Variants in TMEM132C observed in about 807,000 individuals in gnomAD.
TMEM132C encodes the protein protein phosphatase 1, regulatory subunit 152.
Under a neutral mutation model 61.4 loss-of-function variants are expected in TMEM132C, and 29 were observed. The ratio of observed to expected loss-of-function variants is 0.47; its 90% CI spans 0.35 to 0.64. The LOEUF (loss-of-function observed/expected upper bound fraction) is 0.64. Among genes scored for constraint, TMEM132C ranks in the 30% least tolerant of loss-of-function variants. TMEM132C has a pLI of 0.00. For synonymous variants in TMEM132C, 656 were observed against 633.1 expected (o/e 1.04, Z -0.54); for missense variants, 1,408 against 1,476.9 (o/e 0.95, Z 0.76).
chr12:128,402,283 G>A (rs1433996329), intron 1 of TMEM132C, among the ~76,000 whole-genome samples: 1 of 152,144 alleles, frequency 6.6e-6, no homozygotes, highest in South Asian at 2.1e-4. Flanking sequence ...GGATGTGCAG[G>A]TTTGTTACAT....
chr12:128,575,640 T>C (rs1875063986), intron 3 of TMEM132C, among the ~76,000 whole-genome samples: 1 of 152,252 alleles, frequency 6.6e-6, no homozygotes, highest in African/African-American at 2.4e-5. Context: ...AGCTGACTTT[T>C]ATACATGGGT....
chr12:128,339,511 A>G (rs565691385), intron 1 of TMEM132C, among the ~76,000 whole-genome samples: 1 of 151,862 alleles, frequency 6.6e-6, no homozygotes, highest in South Asian at 2.1e-4. Flanking sequence ...CTCCTCTCCC[A>G]CTGATTTAGA....
intron 3 of TMEM132C, among the ~76,000 whole-genome samples, chr12:128,578,419 T>C (rs1875203317): frequency 1.3e-5 from 2 of 152,176 alleles, no homozygotes; most frequent in Non-Finnish European, 2.9e-5. Context: ...AGCTTTGCTT[T>C]TTCTGTTCTG....
chr12:128,441,204 G>A (rs748055670), intron 2 of TMEM132C, among the ~76,000 whole-genome samples: 13 of 152,304 alleles, frequency 8.5e-5, no homozygotes, highest in South Asian at 2.1e-4. Flanking sequence ...TCTGCACGGC[G>A]ATGAGTGCGA....
intron 2 of TMEM132C, among the ~76,000 whole-genome samples, chr12:128,481,767 G>A (rs528754426): frequency 6.6e-6 from 1 of 152,280 alleles, no homozygotes; most frequent in East Asian, 1.9e-4. Flanking sequence ...TTCAGAGGAA[G>A]GGGAAGGGGG....
intron 4 of TMEM132C, among the ~76,000 whole-genome samples, chr12:128,624,874 A>G (rs1954000403): frequency 6.6e-6 from 1 of 152,286 alleles, no homozygotes; most frequent in Middle Eastern, 3.4e-3. Context: ...AAATCTGTCC[A>G]TAGAGCCCCG....
intron 1 of TMEM132C, among the ~76,000 whole-genome samples, chr12:128,315,203 G>A (rs555312800): frequency 1.3e-5 from 2 of 152,274 alleles, no homozygotes; most frequent in South Asian, 2.1e-4. Context: ...GTGAAAGTCC[G>A]AGGTACAAGA....
At chr12:128,441,331 A>G (rs1355307351) in intron 2 of TMEM132C, among the ~76,000 whole-genome samples, 4 of 152,222 alleles carry the variant, frequency 2.6e-5, no homozygotes, top group East Asian at 1.9e-4. Context: ...GGGCCTGTCC[A>G]GTGAGCCCAG....
At chr12:128,703,683 A>G (rs1954817995) in intron 8 of TMEM132C, among the ~76,000 whole-genome samples, 2 of 152,286 alleles carry the variant, frequency 1.3e-5, no homozygotes, top group South Asian at 4.1e-4. Flanking sequence ...TGTCTTCGCT[A>G]TTGTGACTCC....
At chr12:128,639,411 G>A (rs549277663) in intron 4 of TMEM132C, among the ~76,000 whole-genome samples, 3 of 144,594 alleles carry the variant, frequency 2.1e-5, no homozygotes, top group African/African-American at 5.4e-5. Flanking sequence ...TGGTGATGAT[G>A]ATGATAATAA....
intron 4 of TMEM132C, among the ~76,000 whole-genome samples, chr12:128,667,702 T>C (rs1420786043): frequency 6.6e-6 from 1 of 152,240 alleles, no homozygotes; most frequent in African/African-American, 2.4e-5. Context: ...GAAACTGGCA[T>C]CATTAGATGT....
At chr12:128,295,959 A>G (rs983514319) in intron 1 of TMEM132C, among the ~76,000 whole-genome samples, 1 of 152,312 alleles carries the variant, frequency 6.6e-6, no homozygotes, top group Middle Eastern at 3.4e-3. Flanking sequence ...TCAACACATA[A>G]TAAGCAGTGA....
At chr12:128,593,346 T>TTC (rs1252601801) in intron 3 of TMEM132C, among the ~76,000 whole-genome samples, 6 of 151,330 alleles carry the variant, frequency 4.0e-5, no homozygotes, top group East Asian at 1.9e-4. Flanking sequence ...TTCCCTCTCT[T>TTC]TCTCTCTCTC....
intron 2 of TMEM132C, among the ~76,000 whole-genome samples, chr12:128,431,016 T>G (rs1460365489): frequency 2.0e-5 from 3 of 152,198 alleles, no homozygotes; most frequent in Non-Finnish European, 4.4e-5. Flanking sequence ...CTAGAAATGA[T>G]GAAGCTTCAT....
Position 128,306,027 on chromosome 12 carries a change from G to A in TMEM132C, c.85+38540G>A, listed in dbSNP as rs1214752477. Reference sequence around the variant, plus strand: ...TGTGTGCAGTTAATGAAGTCAGTCTGAGTCTATATTCATCCCGATAGTGCT... The same window carrying A: ...TGTGTGCAGTTAATGAAGTCAGTCTAAGTCTATATTCATCCCGATAGTGCT... On this transcript the variant is annotated intron_variant, in intron 1 of 8. Coordinates refer to ENST00000435159, the MANE Select transcript of TMEM132C (RefSeq NM_001136103.3). Among the ~76,000 whole-genome samples, 10 of 152,240 alleles carry A rather than the reference G, an allele frequency of 6.6e-5. No homozygotes were observed. In the East Asian group the frequency reaches 1.9e-3, roughly 29 times the overall value.
At chr12:128,646,379 C>T (rs1434164489) in intron 4 of TMEM132C, among the ~76,000 whole-genome samples, 4 of 149,628 alleles carry the variant, frequency 2.7e-5, no homozygotes, top group Admixed American at 6.7e-5. Context: ...AGTCCATCAG[C>T]GTTGGATGTG....
intron 4 of TMEM132C, among the ~76,000 whole-genome samples, chr12:128,643,410 C>T (rs1352170312): frequency 6.6e-6 from 1 of 152,168 alleles, no homozygotes; most frequent in Non-Finnish European, 1.5e-5. Flanking sequence ...CCAGACTCCT[C>T]AGCAGACATG....
At chr12:128,692,931 G>A (rs1171620797) in intron 5 of TMEM132C, among the ~76,000 whole-genome samples, 2 of 152,208 alleles carry the variant, frequency 1.3e-5, no homozygotes, top group African/African-American at 4.8e-5. Flanking sequence ...AGGGGAAAAG[G>A]AAAGGGAGGC....
In TMEM132C at chr12:128,667,249, C is replaced by T. The variant is rs575803694; in HGVS notation, c.1306-2168C>T. Among the ~76,000 whole-genome samples the T allele has an allele frequency of 9.9e-5, 15 of 152,176 alleles. No individual in the cohort carries two copies. In the South Asian group the frequency reaches 2.7e-3, roughly 27 times the overall value. On this transcript the variant is annotated intron_variant, in intron 4 of 8. Transcript: ENST00000435159. Reference sequence around the variant, plus strand: ...CATGTGTGCGTGTAGTTGCAACAGCCGTTAGAAAACTAATCACAATCCATG... The same window carrying T: ...CATGTGTGCGTGTAGTTGCAACAGCTGTTAGAAAACTAATCACAATCCATG...
Sources: gnomAD v4.1 joint callset for allele counts (sites outside exome capture counted in the v4.1 genomes callset) on GRCh38, gnomAD v4.1.1 for gene constraint, MANE v1.5 for transcripts, NCBI Gene and HGNC (gene_info 2026-07-23, HGNC 2026-07-21) for gene names.